IMMP2L: variants seen among roughly 807,000 people sequenced by gnomAD.
The protein encoded by IMMP2L is inner mitochondrial membrane peptidase subunit 2, also known as mitochondrial inner membrane protease subunit 2.
IMMP2L carries 18 observed loss-of-function variants against 19.3 expected under a neutral mutation model. That is an observed-to-expected ratio of 0.93 (90% CI 0.64 to 1.38). The LOEUF is 1.38. Ranked by LOEUF, IMMP2L falls within the 40% of genes most tolerant of loss-of-function variation. IMMP2L has a pLI of 0.00. For synonymous variants in IMMP2L, 76 were observed against 73.0 expected (o/e 1.04, Z -0.21); for missense variants, 233 against 218.2 (o/e 1.07, Z -0.43).
At chr7:110,999,606 A>AT (rs1272172748) in intron 3 of IMMP2L, among the ~76,000 whole-genome samples, 87 of 145,742 alleles carry the variant, frequency 6.0e-4, no homozygotes, top group African/African-American at 2.2e-3. Flanking sequence ...TTTTCGATGA[A>AT]TAAAAAAAAA....
intron 3 of IMMP2L, among the ~76,000 whole-genome samples, chr7:111,042,652 T>C (rs1792011588): frequency 1.3e-5 from 2 of 152,222 alleles, no homozygotes; most frequent in Admixed American, 6.5e-5. Flanking sequence ...ATCTATTTTA[T>C]ACTCCGCCTA....
rs1200593528 is a variant in IMMP2L at position 111,562,424 on chromosome 7, C to CG, written c.-577_-576insC. ...GCCGACCCCTGCCAGCCTCACAGCC[C>CG]CCCACCCGCCGCCGGACGCCGGGCG... On this transcript the variant is annotated 5_prime_UTR_variant, in exon 1 of 6. Coordinates refer to ENST00000405709, the MANE Select transcript of IMMP2L (RefSeq NM_032549.4). 5.9e-5 allele frequency: 9 copies of CG among 151,620 alleles called. No individual in the cohort carries two copies. The highest frequency in any genetic ancestry group is 5.3e-4 in the Admixed American group (8 of 15,208). 9.4% of individuals were successfully genotyped at this position (151,620 alleles called of 1,614,324 possible). A position where few individuals can be genotyped will look rare whatever the true frequency, so the allele number is the denominator to read the frequency against.
chr7:110,677,699 A>G (rs1792414651), intron 5 of IMMP2L, among the ~76,000 whole-genome samples: 1 of 152,188 alleles, frequency 6.6e-6, no homozygotes, highest in South Asian at 2.1e-4. Context: ...AAGAGCCTCA[A>G]AACTCCTAAG....
intron 5 of IMMP2L, among the ~76,000 whole-genome samples, chr7:110,842,497 CA>C (rs993112079): frequency 2.0e-5 from 3 of 152,276 alleles, no homozygotes; most frequent in African/African-American, 7.2e-5. Flanking sequence ...TGCTCTTTGC[CA>C]AAGGGCAAAC....
chr7:111,498,177 T>C (rs996664048), intron 2 of IMMP2L, among the ~76,000 whole-genome samples: 4 of 152,108 alleles, frequency 2.6e-5, no homozygotes, highest in African/African-American at 9.6e-5. Flanking sequence ...AAGGTTCAAA[T>C]CTGCAAAGTT....
chr7:111,256,158 T>TA (rs1473137305), intron 3 of IMMP2L, among the ~76,000 whole-genome samples: 2 of 152,070 alleles, frequency 1.3e-5, no homozygotes, highest in South Asian at 2.1e-4. Context: ...AAGCCCATTT[T>TA]AAAAAAATGT....
intron 3 of IMMP2L, among the ~76,000 whole-genome samples, chr7:111,101,574 C>T (rs1443462707): frequency 2.0e-5 from 3 of 151,010 alleles, no homozygotes; most frequent in East Asian, 3.9e-4. Flanking sequence ...GACAATCGTT[C>T]GAATTAATAC....
intron 3 of IMMP2L, among the ~76,000 whole-genome samples, chr7:111,226,238 C>G (rs1440481189): frequency 6.6e-6 from 1 of 152,018 alleles, no homozygotes; most frequent in African/African-American, 2.4e-5. Flanking sequence ...ACTGCAGTCT[C>G]GACCTCCCAG....
intron 3 of IMMP2L, among the ~76,000 whole-genome samples, chr7:111,460,248 G>A (rs970556197): frequency 2.6e-5 from 4 of 152,072 alleles, no homozygotes; most frequent in African/African-American, 7.2e-5. Context: ...CTCGAATTGA[G>A]TTTTTTAAGA....
intron 1 of IMMP2L, among the ~76,000 whole-genome samples, chr7:111,528,791 A>G (rs57444187): frequency 0.44 from 66,734 of 151,994 alleles, 15,073 homozygotes; most frequent in Non-Finnish European, 0.5. Context: ...GGAAAATAAT[A>G]AGTTATAAAG....
At position 111,137,053 on chromosome 7, in the gene IMMP2L, TACAA is replaced by T. The variant is rs370299843; in HGVS notation, c.240-173492_240-173489del. On this transcript the variant is annotated intron_variant, in intron 3 of 5. Coordinates refer to ENST00000405709, the MANE Select transcript of IMMP2L (RefSeq NM_032549.4). ...AACAGCACAGAATTAAGAATCTCAC[TACAA>T]ACAAACAGAAATGCATAAATCTAGA... is the stretch of plus-strand genomic sequence containing the variant. Among the ~76,000 whole-genome samples the T allele has an allele frequency of 9.4e-3, 1,438 of 152,218 alleles. 22 individuals carry two copies. The highest frequency in any genetic ancestry group is 0.032 in the African/African-American group (1,329 of 41,560).
At chr7:111,082,873 AAT>A (rs1491480737) in intron 3 of IMMP2L, among the ~76,000 whole-genome samples, 7 of 151,806 alleles carry the variant, frequency 4.6e-5, no homozygotes, top group African/African-American at 1.7e-4. Context: ...AAAAAAAAAA[AAT>A]GACACGTGTT....
chr7:111,027,725 C>T (rs1826997095), intron 3 of IMMP2L, among the ~76,000 whole-genome samples: 1 of 151,990 alleles, frequency 6.6e-6, no homozygotes, highest in Non-Finnish European at 1.5e-5. Flanking sequence ...CTACTATGTA[C>T]AGGGAAGTCT....
At chr7:111,039,445 T>G (rs17158282) in intron 3 of IMMP2L, among the ~76,000 whole-genome samples, 1,702 of 152,270 alleles carry the variant, frequency 0.011, 40 homozygotes, top group African/African-American at 0.039. Flanking sequence ...TATGACACTT[T>G]AAGGAAGATA....
At chr7:111,377,049 G>T (rs1342003015) in intron 3 of IMMP2L, among the ~76,000 whole-genome samples, 1 of 151,732 alleles carries the variant, frequency 6.6e-6, no homozygotes, top group Admixed American at 6.6e-5. Context: ...TATGGTATAT[G>T]AATTAAATTT....
chr7:111,276,776 T>C (rs1378582039), intron 3 of IMMP2L, among the ~76,000 whole-genome samples: 1 of 151,650 alleles, frequency 6.6e-6, no homozygotes, highest in Non-Finnish European at 1.5e-5. Context: ...GATACCAAGA[T>C]GAATGGAACA....
At chr7:111,309,205 T>C (rs2130228374) in intron 3 of IMMP2L, among the ~76,000 whole-genome samples, 1 of 152,294 alleles carries the variant, frequency 6.6e-6, no homozygotes, top group East Asian at 1.9e-4. Context: ...TTTTCATTAT[T>C]TGCAGTTTTA....
chr7:111,161,236 C>T lies in IMMP2L; in HGVS notation c.240-197671G>A, dbSNP rs530306458. ...AAGGGAGGAGTGATTTATTTCCCAA[C>T]TCTATGAAGTCAATATAGCTTTGAC... is the stretch of plus-strand genomic sequence containing the variant. On this transcript the variant is annotated intron_variant, in intron 3 of 5. Coordinates refer to ENST00000405709, the MANE Select transcript of IMMP2L (RefSeq NM_032549.4). Among the ~76,000 whole-genome samples the T allele has an allele frequency of 6.6e-5, 10 of 151,916 alleles. No individual in the cohort carries two copies. In the East Asian group the frequency reaches 1.7e-3, roughly 26 times the overall value.
chr7:111,064,146 A>C (rs1056930246), intron 3 of IMMP2L, among the ~76,000 whole-genome samples: 6 of 152,168 alleles, frequency 3.9e-5, no homozygotes, highest in African/African-American at 1.4e-4. Context: ...AAGACAACAC[A>C]ATCACACGGC....
Sources: gnomAD v4.1 joint callset for allele counts (sites outside exome capture counted in the v4.1 genomes callset) on GRCh38, gnomAD v4.1.1 for gene constraint, MANE v1.5 for transcripts, NCBI Gene and HGNC (gene_info 2026-07-23, HGNC 2026-07-21) for gene names.